Variants in EDNRA observed in about 807,000 individuals in gnomAD.
EDNRA encodes the protein endothelin receptor type A.
EDNRA carries 11 observed loss-of-function variants against 41.4 expected under a neutral mutation model. The ratio of observed to expected loss-of-function variants is 0.27; its 90% confidence interval spans 0.17 to 0.44. EDNRA has a LOEUF of 0.44. Ranked by LOEUF, EDNRA falls within the 20% of genes least tolerant of loss-of-function variation. The pLI is 1.00. For synonymous variants in EDNRA, 172 were observed against 183.0 expected (o/e 0.94, Z 0.49); for missense variants, 294 against 531.0 (o/e 0.55, Z 4.39).
chr4:147,540,335 C>T (rs1271065981), intron 6 of EDNRA, 42 bp from the exon 7 acceptor site: 30 of 1,443,598 alleles, frequency 2.1e-5, no homozygotes, highest in Non-Finnish European at 2.7e-5. Context: ...GATTTTAAAA[C>T]AATATATTCT....
chr4:147,512,755 CTCT>C (rs1184305764), intron 2 of EDNRA, among the ~76,000 whole-genome samples: 2 of 152,176 alleles, frequency 1.3e-5, no homozygotes, highest in Non-Finnish European at 2.9e-5. Flanking sequence ...TCACACCACC[CTCT>C]TCTTCTGTGG....
At chr4:147,527,816 T>C (rs535504374) in intron 3 of EDNRA, among the ~76,000 whole-genome samples, 1 of 152,280 alleles carries the variant, frequency 6.6e-6, no homozygotes, top group Admixed American at 6.5e-5. Flanking sequence ...AAAAAGGCTC[T>C]ACCGGGAGTT....
intron 3 of EDNRA, among the ~76,000 whole-genome samples, chr4:147,526,441 G>A (rs1190787182): frequency 1.3e-5 from 2 of 152,142 alleles, no homozygotes; most frequent in East Asian, 3.9e-4. Flanking sequence ...TCTGAGCTCA[G>A]CAGAGCCCAT....
At chr4:147,507,081 ACT>A (rs1729742961) in intron 2 of EDNRA, among the ~76,000 whole-genome samples, 1 of 152,010 alleles carries the variant, frequency 6.6e-6, no homozygotes, top group East Asian at 1.9e-4. Flanking sequence ...TTAAATGAGG[ACT>A]CTCTGCCCTT....
At chr4:147,506,142 G>T in intron 2 of EDNRA, 1 of 528,074 alleles carries the variant, frequency 1.9e-6, no homozygotes. Flanking sequence ...AAGAGGTGAA[G>T]TTGGGAAACT....
intron 3 of EDNRA, among the ~76,000 whole-genome samples, chr4:147,528,390 C>T (rs1730629125): frequency 7.3e-6 from 1 of 136,620 alleles, no homozygotes; most frequent in Non-Finnish European, 1.5e-5. Context: ...CAGGGTCTTA[C>T]TCTGTCACCC....
chr4:147,484,734 C>T (rs183208161), intron 1 of EDNRA, among the ~76,000 whole-genome samples: 10 of 152,236 alleles, frequency 6.6e-5, no homozygotes, highest in Admixed American at 1.3e-4. Flanking sequence ...TTTCATTCAT[C>T]GGCAAATACC....
chr4:147,488,825 C>G (rs1729034175), intron 2 of EDNRA: 1 of 152,218 alleles, frequency 6.6e-6, no homozygotes, highest in Non-Finnish European at 1.5e-5. Context: ...CATCCCTTTC[C>G]CCCATAGCTG....
At chr4:147,509,348 C>T (rs1218363571) in intron 2 of EDNRA, among the ~76,000 whole-genome samples, 1 of 152,180 alleles carries the variant, frequency 6.6e-6, no homozygotes, top group African/African-American at 2.4e-5. Context: ...TTTGTACTAA[C>T]AGTGCAAATG....
chr4:147,525,595 C>A (rs200925695), intron 3 of EDNRA, among the ~76,000 whole-genome samples: 338 of 132,202 alleles, frequency 2.6e-3, no homozygotes, highest in African/African-American at 4.4e-3. Context: ...TGTTTGGAGG[C>A]AAAAAAAAAA....
rs545071678 is a variant in EDNRA at position 147,515,364 on chromosome 4, G to C, written c.421-4487G>C. On this transcript the variant is annotated intron_variant, in intron 2 of 7. Transcript: ENST00000651419. ...CAGACATTGCCAAGTGTTCCCTGTG[G>C]TGGTGGGGGGAAGGGGGATGGCAAA... 2.0e-5 allele frequency among the ~76,000 whole-genome samples: 3 copies of C among 152,272 alleles called. No individual in the cohort carries two copies. The South Asian group carries it at 6.2e-4, about 32-fold the overall frequency.
intron 2 of EDNRA, among the ~76,000 whole-genome samples, chr4:147,505,383 A>G (rs1416171642): frequency 8.6e-6 from 1 of 115,808 alleles, no homozygotes; most frequent in Non-Finnish European, 1.6e-5. Context: ...CTTGTTGCCC[A>G]GGCTGGAGTG....
intron 7 of EDNRA, among the ~76,000 whole-genome samples, chr4:147,541,001 G>C (rs1731082261): frequency 1.3e-5 from 2 of 148,880 alleles, no homozygotes; most frequent in Non-Finnish European, 3.0e-5. Context: ...CCAAGAGGTG[G>C]AGCTTGCAGT....
chr4:147,509,196 AC>A (rs1212269558), intron 2 of EDNRA, among the ~76,000 whole-genome samples: 1 of 152,104 alleles, frequency 6.6e-6, no homozygotes, highest in Non-Finnish European at 1.5e-5. Context: ...GGATCCTATG[AC>A]TTTGTTCAAG....
chr4:147,539,172 A>G (rs1731015757), intron 5 of EDNRA, among the ~76,000 whole-genome samples: 1 of 151,950 alleles, frequency 6.6e-6, no homozygotes, highest in Non-Finnish European at 1.5e-5. Context: ...ATATTTTTAT[A>G]TGTCATTAAG....
intron 2 of EDNRA, among the ~76,000 whole-genome samples, chr4:147,500,554 C>CA (rs1195503602): frequency 6.6e-6 from 1 of 152,018 alleles, no homozygotes; most frequent in African/African-American, 2.4e-5. Context: ...CCCATTGCTA[C>CA]AAAAAATACA....
At chr4:147,488,350 A>G (rs998472805) in intron 2 of EDNRA, 2 of 152,266 alleles carry the variant, frequency 1.3e-5, no homozygotes, top group African/African-American at 4.8e-5. Context: ...GTAAAAATGC[A>G]AATAAAACTT....
chr4:147,523,047 A>C (rs1578803654), intron 3 of EDNRA, among the ~76,000 whole-genome samples: 1 of 152,220 alleles, frequency 6.6e-6, no homozygotes. Context: ...CATTTAGTTG[A>C]AAGAGTTAAG....
Position 147,543,411 on chromosome 4 carries a change from A to T in EDNRA, c.*793A>T, listed in dbSNP as rs1374853095. 1 of 152,222 alleles carries T rather than the reference A, an allele frequency of 6.6e-6. No homozygotes were observed. The highest frequency in any genetic ancestry group is 6.5e-5 in the Admixed American group (1 of 15,286). The allele number at this position is 152,222 out of a possible 1,614,324, so 9.4% of individuals were successfully genotyped here. A position where few individuals can be genotyped will look rare whatever the true frequency, so the allele number is the denominator to read the frequency against. On this transcript the variant is annotated 3_prime_UTR_variant, in exon 8 of 8. Coordinates refer to ENST00000651419, the MANE Select transcript of EDNRA (RefSeq NM_001957.4). Reference sequence around the variant, plus strand: ...ACAAGGGACCTTGAACATGTTTTGTATGTTAAATTCAAAAGTAATGCTTCA... The same window carrying T: ...ACAAGGGACCTTGAACATGTTTTGTTTGTTAAATTCAAAAGTAATGCTTCA...
Sources: allele counts gnomAD v4.1 joint callset (sites outside exome capture counted in the v4.1 genomes callset), GRCh38; gene constraint gnomAD v4.1.1; transcripts MANE v1.5; gene names NCBI Gene and HGNC (gene_info 2026-07-23, HGNC 2026-07-21).